TBC1D15: variants seen among roughly 807,000 people sequenced by gnomAD.
TBC1D15 encodes GAP for RAB7.
In TBC1D15, 39 loss-of-function variants were observed where a neutral mutation model predicts 95.4. The ratio of observed to expected loss-of-function variants is 0.41; its 90% CI spans 0.32 to 0.53. TBC1D15 has a LOEUF of 0.53. Among genes scored for constraint, TBC1D15 ranks in the 20% least tolerant of loss-of-function variants. The pLI is 0.29. For missense variants in TBC1D15, 733 were observed against 794.3 expected (o/e 0.92, Z 0.93); for synonymous variants, 258 against 261.3 (o/e 0.99, Z 0.12).
chr12:71,856,973 C>A (rs1431227710), intron 1 of TBC1D15, among the ~76,000 whole-genome samples: 1 of 152,052 alleles, frequency 6.6e-6, no homozygotes, highest in Non-Finnish European at 1.5e-5. Context: ...ATCTATCTAA[C>A]TGAATTTTGA....
intron 1 of TBC1D15, among the ~76,000 whole-genome samples, chr12:71,846,488 T>C (rs1886295113): frequency 6.6e-6 from 1 of 152,222 alleles, no homozygotes. Flanking sequence ...GGCACATAAT[T>C]GCTTCATAAA....
intron 3 of TBC1D15, among the ~76,000 whole-genome samples, chr12:71,879,500 T>C (rs539595327): frequency 1.3e-4 from 20 of 152,300 alleles, no homozygotes; most frequent in Admixed American, 6.5e-5. Flanking sequence ...TTTATTTTTA[T>C]GTATGTATGT....
intron 5 of TBC1D15, among the ~76,000 whole-genome samples, chr12:71,887,766 T>G (rs1896520404): frequency 6.6e-6 from 1 of 152,222 alleles, no homozygotes; most frequent in Non-Finnish European, 1.5e-5. Flanking sequence ...AATAATTTGG[T>G]CTATTCTTTT....
chr12:71,875,738 G>C (rs1893670489), intron 3 of TBC1D15, among the ~76,000 whole-genome samples: 1 of 151,692 alleles, frequency 6.6e-6, no homozygotes, highest in Admixed American at 6.6e-5. Context: ...TTATGTTTTT[G>C]TGCTTTTCAT....
intron 1 of TBC1D15, among the ~76,000 whole-genome samples, chr12:71,864,687 A>G (rs933450070): frequency 6.6e-6 from 1 of 151,812 alleles, no homozygotes; most frequent in African/African-American, 2.4e-5. Flanking sequence ...TTGTATTTTT[A>G]GTAGCGATGG....
chr12:71,858,557 C>CTT (rs1320497569), intron 1 of TBC1D15, among the ~76,000 whole-genome samples: 97 of 93,354 alleles, frequency 1.0e-3, no homozygotes, highest in Non-Finnish European at 1.5e-3. Context: ...TTTTCTTTTT[C>CTT]TTTTTTTTTT....
At chr12:71,848,591 T>G (rs906391310) in intron 1 of TBC1D15, among the ~76,000 whole-genome samples, 2 of 152,174 alleles carry the variant, frequency 1.3e-5, no homozygotes, top group Non-Finnish European at 1.5e-5. Context: ...TTTTATATTC[T>G]GGATACAAAT....
chr12:71,852,857 G>A (rs549298925), intron 1 of TBC1D15, among the ~76,000 whole-genome samples: 39 of 152,246 alleles, frequency 2.6e-4, no homozygotes, highest in African/African-American at 8.9e-4. Flanking sequence ...CGTTCAACCA[G>A]TCTCTAGGAA....
chr12:71,844,641 C>T (rs1347419884), intron 1 of TBC1D15, among the ~76,000 whole-genome samples: 1 of 152,132 alleles, frequency 6.6e-6, no homozygotes, highest in African/African-American at 2.4e-5. Flanking sequence ...GTTTTCTTGT[C>T]ATCCCATTAG....
intron 1 of TBC1D15, among the ~76,000 whole-genome samples, chr12:71,853,317 C>G (rs1387717002): frequency 6.6e-6 from 1 of 152,116 alleles, no homozygotes; most frequent in South Asian, 2.1e-4. Context: ...GAAACTGCCC[C>G]CATAATTCCA....
At chr12:71,872,624 C>T (rs546791012) in intron 2 of TBC1D15, among the ~76,000 whole-genome samples, 1 of 152,126 alleles carries the variant, frequency 6.6e-6, no homozygotes, top group South Asian at 2.1e-4. Context: ...ATTGCTTTTA[C>T]ACCATCCTAT....
At chr12:71,917,173 A>G (rs1903916149) in intron 12 of TBC1D15, among the ~76,000 whole-genome samples, 1 of 152,204 alleles carries the variant, frequency 6.6e-6, no homozygotes, top group South Asian at 2.1e-4. Flanking sequence ...CACATCATAC[A>G]GCCTTTGCAC....
chr12:71,868,831 G>A (rs1449096921), intron 1 of TBC1D15: 1 of 152,164 alleles, frequency 6.6e-6, no homozygotes, highest in Non-Finnish European at 1.5e-5. Context: ...TGCCAAATGA[G>A]TGTCTCTTTT....
chr12:71,871,692 C>G (rs1459069825), intron 1 of TBC1D15, among the ~76,000 whole-genome samples: 1 of 152,214 alleles, frequency 6.6e-6, no homozygotes, highest in Non-Finnish European at 1.5e-5. Context: ...CTCCTGGGCT[C>G]AAGCCCAGCC....
intron 3 of TBC1D15, among the ~76,000 whole-genome samples, chr12:71,876,509 T>C (rs1893852327): frequency 6.6e-6 from 1 of 152,210 alleles, no homozygotes; most frequent in Non-Finnish European, 1.5e-5. Flanking sequence ...CCTGGACTGA[T>C]TGCTCTTTTA....
chr12:71,855,352 T>C (rs1423054750), intron 1 of TBC1D15, among the ~76,000 whole-genome samples: 1 of 152,150 alleles, frequency 6.6e-6, no homozygotes, highest in East Asian at 1.9e-4. Flanking sequence ...TTTAGCATTT[T>C]TGTTGTAAAA....
intron 1 of TBC1D15, among the ~76,000 whole-genome samples, chr12:71,863,310 G>A (rs552689212): frequency 2.0e-5 from 3 of 152,152 alleles, no homozygotes; most frequent in South Asian, 2.1e-4. Flanking sequence ...CCTGGGGGAC[G>A]GAGCTTGCAG....
Position 71,921,068 on chromosome 12 carries a change from CT to C in TBC1D15, c.1716+225del, listed in dbSNP as rs201206101. Among the ~76,000 whole-genome samples the C allele has an allele frequency of 8.2e-4, 125 of 152,170 alleles. 3 individuals are homozygous for C. The East Asian group carries it at 0.022, about 27-fold the overall frequency. On this transcript the variant is annotated intron_variant, in intron 15 of 16. Transcript: ENST00000485960. ...AAGAAAAGGAAATTCAACAAGTGCT[CT>C]TTTATGTAGTTTAGTTTTTCAAAAA...
intron 11 of TBC1D15, 168 bp from the exon 12 acceptor site, chr12:71,913,658 T>A: frequency 1.9e-6 from 1 of 530,768 alleles, no homozygotes; most frequent in Admixed American, 3.9e-5. Context: ...ATGACTAGAG[T>A]TCCTCCTCTT....
Sources: allele counts gnomAD v4.1 joint callset (sites outside exome capture counted in the v4.1 genomes callset), GRCh38; gene constraint gnomAD v4.1.1; transcripts MANE v1.5; gene names NCBI Gene and HGNC (gene_info 2026-07-23, HGNC 2026-07-21).